Variants in NAV2 observed in about 807,000 individuals in gnomAD.
NAV2 encodes helicase, APC down-regulated 1.
Under a neutral mutation model 223.2 loss-of-function variants are expected in NAV2, and 54 were observed. The ratio of observed to expected loss-of-function variants is 0.24; its 90% CI spans 0.19 to 0.30. The LOEUF is 0.30. Among genes scored for constraint, NAV2 ranks in the 10% least tolerant of loss-of-function variants. The probability of loss-of-function intolerance (pLI) is 1.00; values close to 1 mark genes in which losing one functional copy is unlikely to be tolerated. For missense variants in NAV2, 2,806 were observed against 3,147.5 expected, an observed-to-expected ratio of 0.89 and a Z score of 2.60; for synonymous variants, 1,279 against 1,239.3, an observed-to-expected ratio of 1.03 and a Z score of -0.67.
chr11:19,953,491 G>T (rs2047563518), intron 10 of NAV2, among the ~76,000 whole-genome samples: 1 of 152,164 alleles, frequency 6.6e-6, no homozygotes, highest in African/African-American at 2.4e-5. Flanking sequence ...CTCCCTCCTG[G>T]GACATGCTGC....
intron 1 of NAV2, among the ~76,000 whole-genome samples, chr11:19,831,256 G>T (rs2059926774): frequency 7.2e-6 from 1 of 139,672 alleles, no homozygotes; most frequent in Non-Finnish European, 1.6e-5. Flanking sequence ...GGAGTGGGGG[G>T]GGATGACCAT....
intron 1 of NAV2, among the ~76,000 whole-genome samples, chr11:19,454,232 T>C (rs1851885159): frequency 6.6e-6 from 1 of 152,162 alleles, no homozygotes; most frequent in Non-Finnish European, 1.5e-5. Flanking sequence ...TTTCAGCAGC[T>C]CAGGGTTGTT....
At chr11:20,020,194 T>C (rs12421568) in intron 11 of NAV2, among the ~76,000 whole-genome samples, 10,774 of 152,268 alleles carry the variant, frequency 0.071, 584 homozygotes, top group Admixed American at 0.11. Flanking sequence ...TGTCTAATTA[T>C]GTACTGTATT....
chr11:20,006,111 G>T (rs553791771), intron 11 of NAV2, among the ~76,000 whole-genome samples: 1 of 152,086 alleles, frequency 6.6e-6, no homozygotes, highest in Non-Finnish European at 1.5e-5. Context: ...GTATATCCCC[G>T]ACATTACAGA....
intron 1 of NAV2, among the ~76,000 whole-genome samples, chr11:19,677,824 C>A (rs1321597896): frequency 1.3e-5 from 2 of 152,228 alleles, no homozygotes; most frequent in Non-Finnish European, 2.9e-5. Flanking sequence ...TGACTGCCTT[C>A]ATGCTACAAG....
At chr11:19,480,717 C>T (rs1047435535) in intron 1 of NAV2, among the ~76,000 whole-genome samples, 2 of 152,206 alleles carry the variant, frequency 1.3e-5, no homozygotes, top group African/African-American at 2.4e-5. Flanking sequence ...GGGGCTTTAT[C>T]TCCTCATGCA....
chr11:19,739,658 A>T (rs116121699), intron 1 of NAV2, among the ~76,000 whole-genome samples: 2,178 of 152,294 alleles, frequency 0.014, 56 homozygotes, highest in African/African-American at 0.05. Flanking sequence ...AGTATCCACC[A>T]TGCTCATATG....
At chr11:20,070,021 T>C (rs950506206) in intron 22 of NAV2, among the ~76,000 whole-genome samples, 5 of 152,216 alleles carry the variant, frequency 3.3e-5, no homozygotes, top group Admixed American at 3.3e-4. Context: ...TTAAAAACCC[T>C]AACGTAGGAG....
At chr11:20,101,258 T>G in intron 32 of NAV2, 86 bp downstream of exon 32, 2 of 1,080,164 alleles carry the variant, frequency 1.9e-6, no homozygotes, top group Non-Finnish European at 2.7e-6. Flanking sequence ...AAAGCAGCAT[T>G]TCCTATCAAC....
intron 1 of NAV2, among the ~76,000 whole-genome samples, chr11:19,764,262 T>C (rs1407172548): frequency 6.6e-6 from 1 of 152,238 alleles, no homozygotes; most frequent in African/African-American, 2.4e-5. Flanking sequence ...ATGCATTTTA[T>C]AATTAAGTAC....
chr11:19,607,926 A>G (rs2046525757), intron 1 of NAV2, among the ~76,000 whole-genome samples: 1 of 152,236 alleles, frequency 6.6e-6, no homozygotes. Flanking sequence ...AGGAGGCTAA[A>G]TGCAATCCCA....
At chr11:19,533,829 C>CCCAA (rs1440162572) in intron 1 of NAV2, among the ~76,000 whole-genome samples, 7 of 143,704 alleles carry the variant, frequency 4.9e-5, no homozygotes, top group Non-Finnish European at 1.0e-4. Flanking sequence ...GCCTCAGCCT[C>CCCAA]CCAAGTAGCT....
intron 1 of NAV2, among the ~76,000 whole-genome samples, chr11:19,817,057 A>C (rs981788526): frequency 1.5e-4 from 23 of 152,204 alleles, no homozygotes; most frequent in Admixed American, 1.1e-3. Context: ...AAATCCTTAA[A>C]CTACCCACCA....
At chr11:19,492,281 T>TA (rs949590214) in intron 1 of NAV2, among the ~76,000 whole-genome samples, 1,972 of 143,260 alleles carry the variant, frequency 0.014, 19 homozygotes, top group African/African-American at 0.039. Flanking sequence ...TCAATTTGTT[T>TA]AAAAAAAAAA....
intron 4 of NAV2, among the ~76,000 whole-genome samples, chr11:19,874,514 A>T (rs2062725910): frequency 6.6e-6 from 1 of 152,198 alleles, no homozygotes; most frequent in Admixed American, 6.5e-5. Flanking sequence ...GGGGAATGTC[A>T]TGAGGGAAAC....
chr11:19,737,684 C>G (rs542591483), intron 1 of NAV2, among the ~76,000 whole-genome samples: 1 of 152,306 alleles, frequency 6.6e-6, no homozygotes, highest in South Asian at 2.1e-4. Context: ...AGTTCTTACC[C>G]GACAGGGTGC....
At chr11:19,904,516 G>A (rs2042706413) in intron 6 of NAV2, among the ~76,000 whole-genome samples, 1 of 152,160 alleles carries the variant, frequency 6.6e-6, no homozygotes, top group South Asian at 2.1e-4. Context: ...CATAGCCAAA[G>A]TTTGCAGGGT....
intron 1 of NAV2, among the ~76,000 whole-genome samples, chr11:19,702,447 T>A (rs965548064): frequency 2.6e-5 from 4 of 152,156 alleles, no homozygotes; most frequent in African/African-American, 9.7e-5. Flanking sequence ...CATTTCCACA[T>A]CACCAACATT....
intron 1 of NAV2, among the ~76,000 whole-genome samples, chr11:19,747,306 A>G (rs12422062): frequency 0.43 from 64,879 of 151,774 alleles, 14,808 homozygotes; most frequent in East Asian, 0.6. Flanking sequence ...TTGGACATTT[A>G]TGTTGTGAAC....
Sources: gnomAD v4.1 joint callset for allele counts (sites outside exome capture counted in the v4.1 genomes callset) on GRCh38, gnomAD v4.1.1 for gene constraint, MANE v1.5 for transcripts, NCBI Gene and HGNC (gene_info 2026-07-23, HGNC 2026-07-21) for gene names.